MDGA2: variants seen among roughly 807,000 people sequenced by gnomAD.
MDGA2 encodes the protein MAM domain-containing glycosylphosphatidylinositol anchor protein 2.
Under a neutral mutation model 117.8 loss-of-function variants are expected in MDGA2, and 40 were observed. The observed-to-expected ratio is 0.34, with a 90% CI of 0.26 to 0.44. The LOEUF (loss-of-function observed/expected upper bound fraction) is 0.44. Ranked by LOEUF, MDGA2 falls within the 20% of genes least tolerant of loss-of-function variation. MDGA2 has a pLI of 1.00. For synonymous variants in MDGA2, 452 were observed against 439.0 expected (o/e 1.03, Z -0.37); for missense variants, 1,123 against 1,250.6 (o/e 0.90, Z 1.54).
At chr14:47,570,888 A>C (rs1381943523) in intron 1 of MDGA2, among the ~76,000 whole-genome samples, 2 of 152,232 alleles carry the variant, frequency 1.3e-5, no homozygotes, top group Admixed American at 6.5e-5. Context: ...TGGGAACAAA[A>C]GTCAAAATTG....
intron 1 of MDGA2, among the ~76,000 whole-genome samples, chr14:47,584,408 A>G (rs1015848172): frequency 1.3e-5 from 2 of 151,860 alleles, no homozygotes; most frequent in Admixed American, 6.6e-5. Flanking sequence ...TTGATGACTG[A>G]TTATATTTTG....
At position 47,414,529 on chromosome 14, in the gene MDGA2, TAA is replaced by T. The variant is rs1373073702; in HGVS notation, c.281-112981_281-112980del. 2.6e-5 allele frequency among the ~76,000 whole-genome samples: 4 copies of T among 152,272 alleles called. 1 individual carries two copies. Among genetic ancestry groups the T allele is most frequent in the Middle Eastern group, 6.8e-3 (2 of 294 alleles). On this transcript the variant is annotated intron_variant, in intron 1 of 16. Coordinates refer to ENST00000399232, the MANE Select transcript of MDGA2 (RefSeq NM_001113498.3). The stretch of plus-strand genomic sequence containing the variant: ...ATGAATTTCTTGCGATATAGATAGA[TAA>T]GAAAAGGGAAATAGTATGAGATTAA...
At chr14:47,103,949 A>C (rs138336894) in intron 5 of MDGA2, among the ~76,000 whole-genome samples, 4 of 152,336 alleles carry the variant, frequency 2.6e-5, no homozygotes, top group Non-Finnish European at 5.9e-5. Flanking sequence ...AAAAGAGTCA[A>C]AGAATCCCTG....
At chr14:47,178,201 A>G (rs1471920955) in intron 3 of MDGA2, among the ~76,000 whole-genome samples, 1 of 152,216 alleles carries the variant, frequency 6.6e-6, no homozygotes, top group African/African-American at 2.4e-5. Flanking sequence ...GGTGTTTTAA[A>G]GTAACTGACA....
At chr14:46,949,373 T>C (rs1885288326) in intron 9 of MDGA2, among the ~76,000 whole-genome samples, 1 of 152,016 alleles carries the variant, frequency 6.6e-6, no homozygotes, top group Non-Finnish European at 1.5e-5. Flanking sequence ...TTTTAAGATT[T>C]TTGGGGCATA....
At chr14:47,215,930 G>T (rs147202276) in intron 3 of MDGA2, among the ~76,000 whole-genome samples, 1 of 152,118 alleles carries the variant, frequency 6.6e-6, no homozygotes, top group Non-Finnish European at 1.5e-5. Flanking sequence ...CCCAAAGGAA[G>T]TCAAAGAAGA....
chr14:46,925,462 T>C (rs1443492427), intron 9 of MDGA2, among the ~76,000 whole-genome samples: 2 of 151,548 alleles, frequency 1.3e-5, no homozygotes, highest in Non-Finnish European at 2.9e-5. Flanking sequence ...TGAAACCCCA[T>C]CTCTACTAAA....
chr14:46,968,048 C>G (rs1291136045), intron 8 of MDGA2, among the ~76,000 whole-genome samples: 2 of 152,152 alleles, frequency 1.3e-5, no homozygotes, highest in African/African-American at 4.8e-5. Context: ...GGCCTCCAGA[C>G]TAACACAGAA....
intron 1 of MDGA2, among the ~76,000 whole-genome samples, chr14:47,626,755 C>G (rs1244269992): frequency 6.6e-6 from 1 of 152,220 alleles, no homozygotes; most frequent in African/African-American, 2.4e-5. Flanking sequence ...CCCAGCGAGG[C>G]AGGGCTCGGG....
intron 1 of MDGA2, among the ~76,000 whole-genome samples, chr14:47,654,715 C>G (rs1897711006): frequency 6.6e-6 from 1 of 152,000 alleles, no homozygotes; most frequent in East Asian, 1.9e-4. Flanking sequence ...TACTGGCAGC[C>G]AAACTCATCA....
At chr14:46,946,275 CAATAT>C (rs1885170104) in intron 9 of MDGA2, among the ~76,000 whole-genome samples, 1 of 151,720 alleles carries the variant, frequency 6.6e-6, no homozygotes, top group African/African-American at 2.4e-5. Context: ...GCAGTGAGCT[CAATAT>C]GATATAACTT....
intron 1 of MDGA2, among the ~76,000 whole-genome samples, chr14:47,305,632 T>C (rs1889418461): frequency 6.6e-6 from 1 of 152,194 alleles, no homozygotes; most frequent in Non-Finnish European, 1.5e-5. Context: ...TTTCACCTCA[T>C]ATATAGACTT....
chr14:47,501,437 G>A (rs1008761627), intron 1 of MDGA2, among the ~76,000 whole-genome samples: 2 of 152,084 alleles, frequency 1.3e-5, no homozygotes, highest in African/African-American at 4.8e-5. Flanking sequence ...ACTGGTATTA[G>A]ATAGTGTTAA....
chr14:47,159,239 C>T (rs1206472108), intron 3 of MDGA2, among the ~76,000 whole-genome samples: 4 of 152,092 alleles, frequency 2.6e-5, no homozygotes, highest in South Asian at 2.1e-4. Flanking sequence ...TAATCAGCCA[C>T]TCTGGTACTG....
chr14:47,591,710 G>C (rs1410347386), intron 1 of MDGA2, among the ~76,000 whole-genome samples: 6 of 151,790 alleles, frequency 4.0e-5, no homozygotes, highest in African/African-American at 1.2e-4. Context: ...GACTCAGAAA[G>C]AGCCTTCAAT....
In MDGA2 at chr14:47,585,709, C is replaced by T. The variant is rs567666894; in HGVS notation, c.280+88808G>A. 4.0e-5 allele frequency among the ~76,000 whole-genome samples: 6 copies of T among 151,078 alleles called. No homozygotes were observed. The South Asian group carries it at 1.2e-3, about 31-fold the overall frequency. On this transcript the variant is annotated intron_variant, in intron 1 of 16. Transcript: ENST00000399232. ...CTTAATTCTCTTTCACTTTCAGACTCGATCTACCCATCTCCCTCTCTCTAC... is the reference window on the plus strand; with the variant it reads ...CTTAATTCTCTTTCACTTTCAGACTTGATCTACCCATCTCCCTCTCTCTAC...
chr14:47,560,234 ATTT>A (rs879285701), intron 1 of MDGA2, among the ~76,000 whole-genome samples: 1 of 148,966 alleles, frequency 6.7e-6, no homozygotes, highest in Non-Finnish European at 1.5e-5. Context: ...CGCCCGACTA[ATTT>A]TTTTTTTGCA....
chr14:47,603,637 T>C (rs992381690), intron 1 of MDGA2, among the ~76,000 whole-genome samples: 2 of 151,856 alleles, frequency 1.3e-5, no homozygotes, highest in African/African-American at 4.8e-5. Flanking sequence ...CTCTCTCTGT[T>C]TCTCTTGTTC....
chr14:47,059,688 C>A (rs1423581722), intron 7 of MDGA2, among the ~76,000 whole-genome samples: 2 of 151,962 alleles, frequency 1.3e-5, no homozygotes, highest in African/African-American at 4.8e-5. Context: ...CAAAGGAGTT[C>A]TTTTAGATAA....
Sources: allele counts gnomAD v4.1 joint callset (sites outside exome capture counted in the v4.1 genomes callset), GRCh38; gene constraint gnomAD v4.1.1; transcripts MANE v1.5; gene names NCBI Gene and HGNC (gene_info 2026-07-23, HGNC 2026-07-21).